Variants in NRIP3 observed in about 807,000 individuals in gnomAD.
NRIP3 encodes the protein nuclear receptor-interacting protein 3.
In NRIP3, 31 loss-of-function variants were observed where a neutral mutation model predicts 29.0. That is an observed-to-expected ratio of 1.07 (90% confidence interval 0.80 to 1.44). The LOEUF (loss-of-function observed/expected upper bound fraction) is 1.44, where lower values mean the gene tolerates loss of function less well. Ranked by LOEUF, NRIP3 falls within the 40% of genes most tolerant of loss-of-function variation. The pLI, the probability that NRIP3 is intolerant of heterozygous loss-of-function variation, is 0.00. For synonymous variants in NRIP3, 131 were observed against 118.3 expected (o/e 1.11, Z -0.70); for missense variants, 314 against 297.9 (o/e 1.05, Z -0.40).
intron 6 of NRIP3, 36 bp from the exon 7 acceptor site, chr11:8,983,596 C>G: frequency 6.2e-7 from 1 of 1,603,664 alleles, no homozygotes; most frequent in Non-Finnish European, 8.5e-7. Flanking sequence ...GAAATAATGC[C>G]AAATTCAAAA....
chr11:9,004,134 TCCCGCGTCC>T (rs1854871328), upstream of NRIP3: 6 of 422,932 alleles, frequency 1.4e-5, no homozygotes, highest in Non-Finnish European at 2.4e-5. Context: ...GCGTCCCGCG[TCCCGCGTCC>T]CCTGCTCACC....
intron 1 of NRIP3, among the ~76,000 whole-genome samples, chr11:8,992,942 T>C (rs996797066): frequency 5.3e-5 from 8 of 152,148 alleles, no homozygotes; most frequent in Non-Finnish European, 1.2e-4. Context: ...AGTACATAAT[T>C]TGTAAACCTA....
chr11:8,997,173 A>G (rs189244396), intron 1 of NRIP3, among the ~76,000 whole-genome samples: 93 of 152,128 alleles, frequency 6.1e-4, no homozygotes, highest in Admixed American at 3.1e-3. Flanking sequence ...TCAGGAGATC[A>G]AGACCATCCT....
At chr11:8,992,867 G>A (rs1854631627) in intron 1 of NRIP3, among the ~76,000 whole-genome samples, 3 of 151,764 alleles carry the variant, frequency 2.0e-5, no homozygotes, top group African/African-American at 7.3e-5. Context: ...AGCTGAGATT[G>A]TGCCACTGCA....
At chr11:8,991,596 T>C (rs981627184) in intron 1 of NRIP3, among the ~76,000 whole-genome samples, 10 of 152,136 alleles carry the variant, frequency 6.6e-5, no homozygotes, top group Admixed American at 5.2e-4. Flanking sequence ...AAAAAAGATG[T>C]TGACAAAATT....
chr11:8,985,711 C>T lies in NRIP3; in HGVS notation c.562G>A (p.Asp188Asn), dbSNP rs1161522116. The stretch of plus-strand genomic sequence containing the variant: ...AGGTCCAGCCCTCAATTCTGCTTAC[C>T]AACCACAGCTGCTGGGCAGTCCAGG... The part of the protein sequence containing the change: ...LRLDCPAAVV[D>N]DNEKNLSLGL... Residue 188 changes from aspartate to asparagine, a missense_variant and splice_region_variant, in exon 4 of 7, where the codon GAT (aspartate) becomes AAT (asparagine). Asp to Asn is a conservative substitution (Grantham distance 23). Coordinates refer to ENST00000309166, the MANE Select transcript of NRIP3 (RefSeq NM_020645.3). 6.2e-7 allele frequency: 1 copy of T among 1,613,438 alleles called. No individual in the cohort carries two copies. The highest frequency in any genetic ancestry group is 8.5e-7 in the Non-Finnish European group (1 of 1,179,904).
At chr11:8,998,783 C>CTTTTT (rs1589964922) in intron 1 of NRIP3, among the ~76,000 whole-genome samples, 1 of 117,938 alleles carries the variant, frequency 8.5e-6, no homozygotes, top group South Asian at 3.2e-4. Flanking sequence ...TCAAACTCTT[C>CTTTTT]ATTTTTTTTT....
Position 9,001,800 on chromosome 11 carries a change from ACCTGG to A in NRIP3, c.174+1957_174+1961del, listed in dbSNP as rs1160928402. On this transcript the variant is annotated intron_variant, in intron 1 of 6. Coordinates refer to ENST00000309166, the MANE Select transcript of NRIP3 (RefSeq NM_020645.3). ...ACCTCGGTCTGCCTTGGTTTCTGTAACCTGGCTGTTCTGTGCAATCACTTGTACAT... is the reference window on the plus strand; with the variant it reads ...ACCTCGGTCTGCCTTGGTTTCTGTAACTGTTCTGTGCAATCACTTGTACAT... Among the ~76,000 whole-genome samples, 12 of 152,110 alleles carry A rather than the reference ACCTGG, an allele frequency of 7.9e-5. 1 individual carries two copies. The highest frequency in any genetic ancestry group is 2.9e-4 in the African/African-American group (12 of 41,338).
intron 1 of NRIP3, among the ~76,000 whole-genome samples, chr11:8,996,763 A>G (rs545573475): frequency 2.6e-5 from 4 of 152,354 alleles, no homozygotes; most frequent in African/African-American, 9.6e-5. Flanking sequence ...CTTTCAAGAT[A>G]CACAGTACTG....
intron 1 of NRIP3, among the ~76,000 whole-genome samples, chr11:9,000,996 G>A (rs1459479965): frequency 4.6e-5 from 7 of 152,178 alleles, no homozygotes; most frequent in South Asian, 2.1e-4. Flanking sequence ...TTGAGCCTGC[G>A]AGGTCGAGGC....
At chr11:8,988,593 C>T (rs1407004929) in intron 1 of NRIP3, among the ~76,000 whole-genome samples, 3 of 152,182 alleles carry the variant, frequency 2.0e-5, no homozygotes, top group Non-Finnish European at 4.4e-5. Context: ...CCTAGGCCTG[C>T]TACCTTTCTT....
intron 1 of NRIP3, among the ~76,000 whole-genome samples, chr11:8,992,865 T>C (rs1025429301): frequency 1.3e-5 from 2 of 152,078 alleles, no homozygotes; most frequent in African/African-American, 2.4e-5. Context: ...TGAGCTGAGA[T>C]TGTGCCACTG....
intron 1 of NRIP3, among the ~76,000 whole-genome samples, chr11:8,992,375 C>T (rs1854620876): frequency 6.6e-6 from 1 of 151,928 alleles, no homozygotes; most frequent in South Asian, 2.1e-4. Flanking sequence ...CATACTAAGC[C>T]AGAACTGAAG....
In NRIP3 at chr11:8,981,315, A is replaced by G. The variant is rs966355577; in HGVS notation, c.*2230T>C. 6.6e-6 allele frequency: 1 copy of G among 152,116 alleles called. No individual in the cohort carries two copies. The highest frequency in any genetic ancestry group is 1.5e-5 in the Non-Finnish European group (1 of 68,038). The allele number at this position is 152,116 out of a possible 1,614,324, so 9.4% of individuals were successfully genotyped here. A position where few individuals can be genotyped will look rare whatever the true frequency, so the allele number is the denominator to read the frequency against. ...AAACCCGTCTCTACTAAAAATACAA[A>G]AAATTAGCCAGGCGTGGTGGCAGGT... On this transcript the variant is annotated 3_prime_UTR_variant, in exon 7 of 7. Coordinates refer to ENST00000309166, the MANE Select transcript of NRIP3 (RefSeq NM_020645.3).
intron 3 of NRIP3, 55 bp from the exon 4 acceptor site, chr11:8,985,905 C>A: frequency 1.3e-6 from 2 of 1,581,546 alleles, no homozygotes; most frequent in African/African-American, 1.3e-5. Flanking sequence ...CTGGTAGAAT[C>A]CTGCAATGCC....
In NRIP3 at chr11:8,985,782, A is replaced by G. The variant is rs1401479762; in HGVS notation, c.491T>C (p.Val164Ala). ...EKLSLPRHLK[V>A]VGQIEHLVIT... ...CACTAGGTGCTCAATCTGGCCCACT[A>G]CTTTGAGATGCCGGGGTAGAGAAAG... The change falls in exon 4 of 7, where the codon GTA becomes GCA. Residue 164 changes from valine to alanine, a missense_variant. Physicochemically the swap from Val to Ala is moderately conservative, Grantham distance 64. Transcript: ENST00000309166. 8.1e-6 allele frequency: 13 copies of G among 1,613,998 alleles called. No individual in the cohort carries two copies. Among genetic ancestry groups the G allele is most frequent in the African/African-American group, 2.7e-5 (2 of 74,898 alleles).
In NRIP3 at chr11:9,003,889, T is replaced by C; in HGVS notation, c.47A>G (p.Asp16Gly). 6.6e-7 allele frequency: 1 copy of C among 1,523,500 alleles called. No individual in the cohort carries two copies. Among genetic ancestry groups the C allele is most frequent in the Non-Finnish European group, 8.8e-7 (1 of 1,136,848 alleles). 94.4% of individuals were successfully genotyped at this position (1,523,500 alleles called of 1,614,324 possible). A position where few individuals can be genotyped will look rare whatever the true frequency, so the allele number is the denominator to read the frequency against. The change falls in exon 1 of 7, where the codon GAC (aspartate) becomes GGC (glycine). Residue 16 changes from aspartate (D) to glycine (G), a missense_variant. Asp to Gly is a moderately conservative substitution (Grantham distance 94). Transcript: ENST00000309166. ...TCGCAGTGACGCCGCCTCCCGCATGTCGGTCTCCTTGCGGCCGCCCTCAGT... is the reference window on the plus strand; with the variant it reads ...TCGCAGTGACGCCGCCTCCCGCATGCCGGTCTCCTTGCGGCCGCCCTCAGT... ...LLTEGGRKETDMREAASLRQQ... is the reference protein window; with the variant it reads ...LLTEGGRKETGMREAASLRQQ...
intron 1 of NRIP3, among the ~76,000 whole-genome samples, chr11:8,999,071 G>A (rs891950491): frequency 1.3e-5 from 2 of 152,052 alleles, no homozygotes; most frequent in African/African-American, 4.8e-5. Flanking sequence ...CCAAACTGCT[G>A]GGATTACAGG....
intron 1 of NRIP3, among the ~76,000 whole-genome samples, chr11:8,999,020 G>A (rs1346819873): frequency 6.6e-6 from 1 of 151,926 alleles, no homozygotes; most frequent in Non-Finnish European, 1.5e-5. Context: ...TGCCAGGATG[G>A]TCTTGATCTC....
Sources: gnomAD v4.1 joint callset for allele counts (sites outside exome capture counted in the v4.1 genomes callset) on GRCh38, gnomAD v4.1.1 for gene constraint, MANE v1.5 for transcripts, NCBI Gene and HGNC (gene_info 2026-07-23, HGNC 2026-07-21) for gene names.